The following PSME4 variants were observed in gnomAD, a reference collection of about 807,000 sequenced individuals.
PSME4 encodes proteasome activator subunit 4, also known as proteasome activator complex subunit 4.
Under a neutral mutation model 253.9 loss-of-function variants are expected in PSME4, and 89 were observed. The ratio of observed to expected loss-of-function variants is 0.35; its 90% CI spans 0.30 to 0.42. The LOEUF is 0.42. Among genes scored for constraint, PSME4 ranks in the 10% least tolerant of loss-of-function variants. The pLI, the probability that PSME4 is intolerant of heterozygous loss-of-function variation, is 1.00. For missense variants in PSME4, 2,014 were observed against 2,195.2 expected (o/e 0.92, Z 1.65); for synonymous variants, 851 against 759.2 (o/e 1.12, Z -1.99).
chr2:53,910,021 G>T, intron 21 of PSME4, 54 bp downstream of exon 21: 1 of 1,343,648 alleles, frequency 7.4e-7, no homozygotes, highest in South Asian at 1.2e-5. Flanking sequence ...AGTCCTTGTG[G>T]AGTTACTGAC....
chr2:53,904,286 G>A lies in PSME4; in HGVS notation c.2944-130C>T, dbSNP rs559784629. ...ATTAACAAAATAAATTTCAAAGCAC[G>A]TACCCTAAAAAAGAAGTAAATGATT... is the stretch of plus-strand genomic sequence containing the variant. On this transcript the variant is annotated intron_variant, in intron 26 of 46. Transcript: ENST00000404125. 126 of 928,404 alleles carry A rather than the reference G, an allele frequency of 1.4e-4. 1 individual carries two copies. The African/African-American group carries it at 1.8e-3, about 13-fold the overall frequency. The allele number at this position is 928,404 out of a possible 1,614,324, so 57.5% of individuals were successfully genotyped here.
intron 1 of PSME4, among the ~76,000 whole-genome samples, chr2:53,955,983 A>G (rs1670220031): frequency 6.6e-6 from 1 of 152,084 alleles, no homozygotes; most frequent in African/African-American, 2.4e-5. Flanking sequence ...TCTCTCTGGG[A>G]GCCAGGTACA....
intron 1 of PSME4, among the ~76,000 whole-genome samples, chr2:53,959,087 C>T (rs1323816381): frequency 1.3e-5 from 2 of 152,158 alleles, no homozygotes; most frequent in Non-Finnish European, 2.9e-5. Context: ...GAAGCCAGGG[C>T]AGGTGGACTG....
rs772723235 is a variant in PSME4, at chr2:53,906,580, C to A, written c.2943+18G>T. The A allele has an allele frequency of 9.2e-6, 14 of 1,525,150 alleles. No individual in the cohort carries two copies. The East Asian group carries it at 1.8e-4, about 20-fold the overall frequency. 94.5% of individuals were successfully genotyped at this position (1,525,150 alleles called of 1,614,324 possible). On this transcript the variant is annotated intron_variant, in intron 26 of 46. Transcript: ENST00000404125. Reference sequence around the variant, plus strand: ...AAAATGGGAGGGCATGAGAGTGCAGCGTTTGGATAAGCCTTACCTGACTGT... The same window carrying A: ...AAAATGGGAGGGCATGAGAGTGCAGAGTTTGGATAAGCCTTACCTGACTGT...
At chr2:53,970,424 G>A in intron 1 of PSME4, 119 bp downstream of exon 1, 1 of 1,478,170 alleles carries the variant, frequency 6.8e-7, no homozygotes, top group Non-Finnish European at 9.0e-7. Context: ...CACCGCTCGG[G>A]GACAGCTCCA....
chr2:53,885,847 T>A lies in PSME4; in HGVS notation c.4730-72A>T, dbSNP rs907184074. On this transcript the variant is annotated intron_variant, in intron 40 of 46. Coordinates refer to ENST00000404125, the MANE Select transcript of PSME4 (RefSeq NM_014614.3). ...CAGACCACAAAGTAGAACAATATTG[T>A]AATGTTATTGTCATACAGCCACTCT... The A allele has an allele frequency of 1.9e-4, 200 of 1,074,996 alleles. No homozygotes were observed. The Admixed American group carries it at 3.6e-3, about 19-fold the overall frequency. The allele number at this position is 1,074,996 out of a possible 1,614,324, so 66.6% of individuals were successfully genotyped here.
At position 53,939,975 on chromosome 2, in the gene PSME4, G is replaced by C; in HGVS notation, c.526C>G (p.Leu176Val). ...ACTTACGGTCGGCAGCTTTTCACGA[G>C]TGTTTTGAGAATATTTTCTACAGAA... Reference protein sequence around the residue: ...PNSVENILKTLVKSCRPYFPA... With the variant: ...PNSVENILKTVVKSCRPYFPA... The change falls in exon 4 of 47, where the codon CTC becomes GTC. Residue 176 changes from leucine to valine, a missense_variant. Coordinates refer to ENST00000404125, the MANE Select transcript of PSME4 (RefSeq NM_014614.3). 6.3e-7 allele frequency: 1 copy of C among 1,596,126 alleles called. No homozygotes were observed. The highest frequency in any genetic ancestry group is 8.6e-7 in the Non-Finnish European group (1 of 1,166,754).
At chr2:53,931,701 G>T in intron 10 of PSME4, 134 bp downstream of exon 10, 1 of 939,592 alleles carries the variant, frequency 1.1e-6, no homozygotes, top group Non-Finnish European at 1.6e-6. Context: ...ACATTAAAAT[G>T]TCCTGCTTCT....
intron 41 of PSME4, 118 bp downstream of exon 41, chr2:53,885,572 T>C (rs1391144478): frequency 1.5e-6 from 1 of 653,094 alleles, no homozygotes; most frequent in South Asian, 2.3e-5. Context: ...ACCATTCTAC[T>C]TTTCAGAGAT....
intron 12 of PSME4, among the ~76,000 whole-genome samples, 163 bp downstream of exon 12, chr2:53,927,231 T>C (rs564290314): frequency 2.6e-5 from 4 of 152,360 alleles, no homozygotes; most frequent in South Asian, 4.1e-4. Context: ...GGGTGCTCTG[T>C]AGACTCTCTT....
chr2:53,876,713 A>ATCCTTTTTTTTTTTTTTTTTTT (rs1679139819), intron 41 of PSME4, among the ~76,000 whole-genome samples: 3 of 77,200 alleles, frequency 3.9e-5, no homozygotes, highest in African/African-American at 1.4e-4. Context: ...AGCCACTGTC[A>ATCCTTTTTTTTTTTTTTTTTTT]TTCTTTTTTT....
chr2:53,919,250 G>GAA lies in PSME4; in HGVS notation c.2421-6_2421-5dup, dbSNP rs113177874. ...CAGACTCTGTAGAATATCATCTCTA[G>GAA]AAAAAAAAAAAAGACATTTTCATAT... On this transcript the variant is annotated splice_polypyrimidine_tract_variant and splice_region_variant and intron_variant, in intron 19 of 46. Coordinates refer to ENST00000404125, the MANE Select transcript of PSME4 (RefSeq NM_014614.3). 5.5e-4 allele frequency: 674 copies of GAA among 1,215,274 alleles called. No homozygotes were observed. The highest frequency in any genetic ancestry group is 2.0e-3 in the South Asian group (121 of 60,930). The allele number at this position is 1,215,274 out of a possible 1,614,324, so 75.3% of individuals were successfully genotyped here.
chr2:53,874,763 G>T (rs1679046477), intron 42 of PSME4, among the ~76,000 whole-genome samples: 1 of 152,154 alleles, frequency 6.6e-6, no homozygotes. Flanking sequence ...TGGCCAACAT[G>T]GTGAAACCCT....
chr2:53,922,172 AAAAAG>A (rs370610943), intron 17 of PSME4, among the ~76,000 whole-genome samples: 2,632 of 152,020 alleles, frequency 0.017, 27 homozygotes, highest in Middle Eastern at 0.037. Context: ...AAAAAGAAGA[AAAAAG>A]AAAAGAAAAG....
intron 31 of PSME4, among the ~76,000 whole-genome samples, chr2:53,897,610 T>C (rs898349415): frequency 6.6e-6 from 1 of 152,200 alleles, no homozygotes; most frequent in Non-Finnish European, 1.5e-5. Context: ...ACTGCACACC[T>C]AATTTTCTAA....
intron 1 of PSME4, among the ~76,000 whole-genome samples, chr2:53,960,094 T>C (rs1317417367): frequency 6.6e-6 from 1 of 152,166 alleles, no homozygotes; most frequent in East Asian, 1.9e-4. Flanking sequence ...AATCTGACCA[T>C]CTGCAGAATT....
chr2:53,899,256 G>T (rs1680281115), intron 29 of PSME4, among the ~76,000 whole-genome samples: 1 of 151,674 alleles, frequency 6.6e-6, no homozygotes, highest in Admixed American at 6.6e-5. Context: ...TGTATAGACA[G>T]GGTTTCACCA....
At chr2:53,896,246 A>G (rs1680131007) in intron 32 of PSME4, among the ~76,000 whole-genome samples, 1 of 152,196 alleles carries the variant, frequency 6.6e-6, no homozygotes, top group Non-Finnish European at 1.5e-5. Context: ...TTTCATCAAC[A>G]GACTTTACTC....
rs367855869 is a variant in PSME4 at position 53,920,974 on chromosome 2, C to T, written c.2177G>A (p.Arg726His). 5.6e-6 allele frequency: 9 copies of T among 1,613,974 alleles called. No homozygotes were observed. Among genetic ancestry groups the T allele is most frequent in the African/African-American group, 4.0e-5 (3 of 75,016 alleles). Residue 726 changes from arginine to histidine, a missense_variant, in exon 18 of 47, where the codon CGT becomes CAT. Physicochemically the swap from Arg to His is conservative, Grantham distance 29. Coordinates refer to ENST00000404125, the MANE Select transcript of PSME4 (RefSeq NM_014614.3). The stretch of plus-strand genomic sequence containing the variant: ...TGTAGGGTAGATAAGTGTGGTAGAA[C>T]GGAGAAGATGATGCAAAAGGTTACA... ...LSCNLLHHLL[R>H]STTLIYPTEY...
Sources: gnomAD v4.1 joint callset for allele counts (sites outside exome capture counted in the v4.1 genomes callset) on GRCh38, gnomAD v4.1.1 for gene constraint, MANE v1.5 for transcripts, NCBI Gene and HGNC (gene_info 2026-07-23, HGNC 2026-07-21) for gene names.